MTA3: variants seen among roughly 807,000 people sequenced by gnomAD.
MTA3 encodes the protein metastasis-associated protein MTA3.
A neutral mutation model predicts 83.5 loss-of-function variants in MTA3; 34 were observed. The observed-to-expected ratio is 0.41, with a 90% confidence interval of 0.31 to 0.54. The LOEUF (loss-of-function observed/expected upper bound fraction) is 0.54. MTA3 is among the 20% of genes least tolerant of loss of function. The pLI is 0.33. For missense variants in MTA3, 761 were observed against 726.4 expected (o/e 1.05, Z -0.55); for synonymous variants, 303 against 252.7 (o/e 1.20, Z -1.89).
At chr2:42,727,235 C>T (rs982834539) in intron 16 of MTA3, among the ~76,000 whole-genome samples, 17 of 152,110 alleles carry the variant, frequency 1.1e-4, no homozygotes, top group African/African-American at 4.1e-4. Flanking sequence ...TCTGCATACG[C>T]AAGAAGCCTC....
At chr2:42,591,015 C>T (rs956398810) in intron 3 of MTA3, among the ~76,000 whole-genome samples, 7 of 152,100 alleles carry the variant, frequency 4.6e-5, no homozygotes, top group African/African-American at 1.4e-4. Context: ...CAGAACATAG[C>T]CATGATTGCT....
At chr2:42,659,660 T>C (rs1163325440) in intron 7 of MTA3, 103 bp from the exon 8 acceptor site, 11 of 803,734 alleles carry the variant, frequency 1.4e-5, no homozygotes, top group Non-Finnish European at 1.4e-5. Context: ...GCCTCTTCTT[T>C]TACAGTTTTT....
chr2:42,525,388 T>C (rs1237718204), intron 2 of MTA3, among the ~76,000 whole-genome samples: 4 of 150,940 alleles, frequency 2.7e-5, no homozygotes, highest in Non-Finnish European at 5.9e-5. Context: ...TTAGTAGAGA[T>C]GGGATTTCAC....
chr2:42,695,940 CCTTA>C (rs1693353619), intron 10 of MTA3, 101 bp downstream of exon 10: 1 of 709,598 alleles, frequency 1.4e-6, no homozygotes, highest in South Asian at 2.1e-5. Context: ...AATTTGTTTA[CCTTA>C]CTTTTTCCAG....
chr2:42,571,408 A>G (rs984321087), intron 2 of MTA3, among the ~76,000 whole-genome samples: 4 of 151,756 alleles, frequency 2.6e-5, no homozygotes, highest in Admixed American at 2.6e-4. Flanking sequence ...AAAAAAAAAA[A>G]AAGTTGAGAT....
At chr2:42,647,155 T>TAAAAAAAAAAACCA (rs1553373421) in intron 6 of MTA3, among the ~76,000 whole-genome samples, 2 of 92,076 alleles carry the variant, frequency 2.2e-5, no homozygotes, top group African/African-American at 1.0e-4. Context: ...AGACTCTGTC[T>TAAAAAAAAAAACCA]AAAAAAAAAA....
At chr2:42,746,650 C>T (rs1669458053) in intron 16 of MTA3, among the ~76,000 whole-genome samples, 2 of 152,228 alleles carry the variant, frequency 1.3e-5, no homozygotes, top group Admixed American at 6.5e-5. Flanking sequence ...ACAACCCCCT[C>T]CTTGGGTTCA....
chr2:42,646,695 G>C (rs58143008), intron 6 of MTA3, among the ~76,000 whole-genome samples: 7 of 152,318 alleles, frequency 4.6e-5, no homozygotes, highest in African/African-American at 1.7e-4. Flanking sequence ...GGATGAGTGA[G>C]TAGTCGATTC....
chr2:42,575,673 C>A (rs1292756540), intron 2 of MTA3, among the ~76,000 whole-genome samples: 1 of 152,192 alleles, frequency 6.6e-6, no homozygotes, highest in Non-Finnish European at 1.5e-5. Flanking sequence ...CTCTGGAAAC[C>A]TAACCCAGGA....
At chr2:42,702,754 C>T (rs373133270) in intron 11 of MTA3, 6 of 152,296 alleles carry the variant, frequency 3.9e-5, no homozygotes, top group African/African-American at 1.4e-4. Flanking sequence ...TTATTGAGAA[C>T]GTACTATGTG....
At chr2:42,591,102 C>T (rs1380030213) in intron 3 of MTA3, among the ~76,000 whole-genome samples, 1 of 76,300 alleles carries the variant, frequency 1.3e-5, no homozygotes, top group Non-Finnish European at 2.5e-5. Context: ...AGTGTACTTA[C>T]ACAAACCTAG....
chr2:42,553,507 G>A (rs1335589409), intron 2 of MTA3, among the ~76,000 whole-genome samples: 3 of 151,122 alleles, frequency 2.0e-5, no homozygotes, highest in Admixed American at 6.6e-5. Context: ...AGGCCGAGGC[G>A]GGCATATCAC....
intron 2 of MTA3, 30 bp downstream of exon 2, chr2:42,570,534 T>A (rs757016428): frequency 7.9e-7 from 1 of 1,260,234 alleles, no homozygotes; most frequent in East Asian, 2.6e-5. Flanking sequence ...AATTTTAATA[T>A]TAAAAATATT....
chr2:42,618,473 G>A (rs1360534921), intron 4 of MTA3, among the ~76,000 whole-genome samples: 1 of 152,102 alleles, frequency 6.6e-6, no homozygotes, highest in African/African-American at 2.4e-5. Flanking sequence ...ATAAACTTAT[G>A]TGTATTTTCT....
chr2:42,593,533 C>G (rs765173802), intron 3 of MTA3, among the ~76,000 whole-genome samples: 3 of 152,034 alleles, frequency 2.0e-5, no homozygotes, highest in African/African-American at 7.2e-5. Flanking sequence ...ATGATATTAC[C>G]GCTATAGTGT....
intron 2 of MTA3, among the ~76,000 whole-genome samples, chr2:42,535,428 G>A (rs959053119): frequency 2.0e-5 from 3 of 150,790 alleles, no homozygotes; most frequent in Admixed American, 2.0e-4. Context: ...AAATTTTTTT[G>A]TGTGTGGAGA....
chr2:42,707,199 T>C (rs1205929273), intron 12 of MTA3, among the ~76,000 whole-genome samples: 5 of 152,202 alleles, frequency 3.3e-5, no homozygotes, highest in Admixed American at 6.5e-5. Context: ...TAAATAATCC[T>C]TGGAGTGGTG....
At chr2:42,515,302 G>C (rs896935379) in intron 2 of MTA3, among the ~76,000 whole-genome samples, 1 of 151,686 alleles carries the variant, frequency 6.6e-6, no homozygotes, top group African/African-American at 2.4e-5. Context: ...CAGGTGATCT[G>C]CCCACCTCAG....
intron 6 of MTA3, among the ~76,000 whole-genome samples, chr2:42,652,288 T>G (rs1260372166): frequency 1.3e-5 from 2 of 152,130 alleles, no homozygotes; most frequent in Non-Finnish European, 1.5e-5. Flanking sequence ...CTTTCTTAGA[T>G]TCATTTAAAG....
Sources: allele counts gnomAD v4.1 joint callset (sites outside exome capture counted in the v4.1 genomes callset), GRCh38; gene constraint gnomAD v4.1.1; transcripts MANE v1.5; gene names NCBI Gene and HGNC (gene_info 2026-07-23, HGNC 2026-07-21).